The following DISP1 variants were observed in gnomAD, a reference collection of about 807,000 sequenced individuals.
The protein encoded by DISP1 is protein dispatched homolog 1.
DISP1 carries 30 observed loss-of-function variants against 37.3 expected under a neutral mutation model. The observed-to-expected ratio is 0.80, with a 90% CI of 0.60 to 1.09. The LOEUF (loss-of-function observed/expected upper bound fraction) is 1.09. Ranked by LOEUF, DISP1 falls within the 50% of genes least tolerant of loss-of-function variation. The pLI, the probability that DISP1 is intolerant of heterozygous loss-of-function variation, is 0.00. For missense variants in DISP1, 1,598 were observed against 1,879.5 expected (o/e 0.85, Z 2.77); for synonymous variants, 634 against 690.2 (o/e 0.92, Z 1.28).
chr1:222,820,790 C>A (rs982986823), intron 1 of DISP1, among the ~76,000 whole-genome samples: 4 of 152,156 alleles, frequency 2.6e-5, no homozygotes, highest in Non-Finnish European at 4.4e-5. Flanking sequence ...ACATAATGTG[C>A]TTAGCATAAT....
chr1:222,832,787 T>G (rs1212019519), intron 1 of DISP1, among the ~76,000 whole-genome samples: 1 of 152,066 alleles, frequency 6.6e-6, no homozygotes, highest in Non-Finnish European at 1.5e-5. Flanking sequence ...TCCCAGCTAC[T>G]TGGGAGGCTG....
intron 8 of DISP1, among the ~76,000 whole-genome samples, chr1:223,001,758 C>A (rs1331884427): frequency 6.6e-6 from 1 of 152,128 alleles, no homozygotes; most frequent in Non-Finnish European, 1.5e-5. Context: ...GATTTAGTCA[C>A]CTTCCAAAAA....
chr1:222,942,387 C>T (rs1674451096), intron 2 of DISP1, among the ~76,000 whole-genome samples: 1 of 151,978 alleles, frequency 6.6e-6, no homozygotes, highest in African/African-American at 2.4e-5. Flanking sequence ...TCAGAGTGGC[C>T]CTTCATTTTG....
intron 2 of DISP1, among the ~76,000 whole-genome samples, chr1:222,929,917 A>C (rs932843086): frequency 3.3e-5 from 5 of 152,154 alleles, no homozygotes. Flanking sequence ...CATATAGCTC[A>C]CATCTTAGAC....
intron 1 of DISP1, chr1:222,823,948 A>G (rs1402748998): frequency 6.6e-6 from 1 of 151,226 alleles, no homozygotes; most frequent in Non-Finnish European, 1.5e-5. Flanking sequence ...ACAAATAGGT[A>G]TAGCTACTTC....
rs1217182971 is a variant in DISP1 at position 223,005,512 on chromosome 1, C to A, written c.4115C>A (p.Thr1372Asn). ...CAGGCCCAAGAAAAAATTGGCAAGA[C>A]CAATGTACACAGTCTTCAGAGGAGC... is the stretch of plus-strand genomic sequence containing the variant. ...HIQAQEKIGK[T>N]NVHSLQRSIE... Residue 1372 changes from threonine to asparagine, a missense_variant, in exon 9 of 9, where the codon ACC (threonine) becomes AAC (asparagine). Coordinates refer to ENST00000675850, the MANE Select transcript of DISP1 (RefSeq NM_001377229.1). 3 of 1,613,892 alleles carry A rather than the reference C, an allele frequency of 1.9e-6. No homozygotes were observed. Among genetic ancestry groups the A allele is most frequent in the Non-Finnish European group, 2.5e-6 (3 of 1,180,026 alleles).
intron 1 of DISP1, among the ~76,000 whole-genome samples, chr1:222,899,409 GTAAT>G (rs1671456709): frequency 6.6e-6 from 1 of 152,206 alleles, no homozygotes; most frequent in African/African-American, 2.4e-5. Flanking sequence ...ATGGTTAAGA[GTAAT>G]TAAATAAATG....
At chr1:222,864,253 T>C (rs1242997734) in intron 1 of DISP1, among the ~76,000 whole-genome samples, 3 of 152,230 alleles carry the variant, frequency 2.0e-5, no homozygotes, top group African/African-American at 7.2e-5. Flanking sequence ...AAGTATCTTG[T>C]TCAAGCCTTG....
intron 1 of DISP1, chr1:222,831,046 A>G (rs1665613627): frequency 6.6e-6 from 1 of 152,190 alleles, no homozygotes; most frequent in South Asian, 2.1e-4. Context: ...AATGCCTGTA[A>G]TGTTTTAAAT....
intron 7 of DISP1, among the ~76,000 whole-genome samples, chr1:222,992,776 C>A (rs1020149783): frequency 6.6e-6 from 1 of 151,914 alleles, no homozygotes; most frequent in African/African-American, 2.4e-5. Context: ...CGAAAGAAAT[C>A]GGCTGCTACT....
chr1:222,943,986 C>T (rs1025261145), intron 3 of DISP1, among the ~76,000 whole-genome samples: 1 of 152,094 alleles, frequency 6.6e-6, no homozygotes, highest in African/African-American at 2.4e-5. Context: ...GCCGAGATCA[C>T]ACCATTGCAC....
chr1:222,925,116 T>C (rs1275244898), intron 1 of DISP1, among the ~76,000 whole-genome samples: 1 of 152,138 alleles, frequency 6.6e-6, no homozygotes, highest in Non-Finnish European at 1.5e-5. Flanking sequence ...TAATTATGTG[T>C]CCCATGTGAC....
intron 3 of DISP1, among the ~76,000 whole-genome samples, chr1:222,966,130 G>A (rs1676462787): frequency 1.3e-5 from 2 of 152,116 alleles, no homozygotes; most frequent in Non-Finnish European, 2.9e-5. Flanking sequence ...GTAAATCAGT[G>A]TAATTTTTTA....
intron 1 of DISP1, among the ~76,000 whole-genome samples, chr1:222,820,846 A>G (rs1433335351): frequency 6.6e-6 from 1 of 152,216 alleles, no homozygotes; most frequent in Non-Finnish European, 1.5e-5. Context: ...ATTTTACTGT[A>G]TCATGCAGGC....
intron 3 of DISP1, among the ~76,000 whole-genome samples, chr1:222,950,584 A>G (rs1444252847): frequency 6.6e-6 from 1 of 151,260 alleles, no homozygotes; most frequent in Non-Finnish European, 1.5e-5. Context: ...TCGAGGACAG[A>G]GCGAGACTCC....
chr1:223,005,621 C>A lies in DISP1; in HGVS notation c.4224C>A (p.Asp1408Glu), dbSNP rs1679853609. Residue 1408 changes from aspartate (D) to glutamate (E), a missense_variant, in exon 9 of 9, where the codon GAC becomes GAA. Physicochemically the swap from Asp to Glu is conservative, Grantham distance 45 (BLOSUM62 2). Coordinates refer to ENST00000675850, the MANE Select transcript of DISP1 (RefSeq NM_001377229.1). ...STGSLLKTCC[D>E]PENKQRELCK... ...GATCGTTACTCAAAACGTGTTGCGA[C>A]CCCGAGAATAAACAAAGGGAACTCT... 1.9e-6 allele frequency: 3 copies of A among 1,613,578 alleles called. No homozygotes were observed. Among genetic ancestry groups the A allele is most frequent in the Non-Finnish European group, 2.5e-6 (3 of 1,179,890 alleles).
intron 1 of DISP1, among the ~76,000 whole-genome samples, chr1:222,891,658 G>A (rs531984468): frequency 8.5e-4 from 129 of 152,278 alleles, no homozygotes; most frequent in African/African-American, 2.9e-3. Flanking sequence ...CTAGAAGAGA[G>A]TTTTGAGAAG....
chr1:222,991,789 T>A, intron 6 of DISP1, 142 bp downstream of exon 6: 1 of 1,048,714 alleles, frequency 9.5e-7, no homozygotes. Flanking sequence ...AACTTGTCAT[T>A]GTGTTTGAAG....
intron 3 of DISP1, among the ~76,000 whole-genome samples, chr1:222,950,487 C>G (rs1214518857): frequency 2.6e-5 from 4 of 152,018 alleles, no homozygotes; most frequent in Admixed American, 6.6e-5. Flanking sequence ...GTAGTCCCAG[C>G]TACTCGGGAG....
Sources: gnomAD v4.1 joint callset for allele counts (sites outside exome capture counted in the v4.1 genomes callset) on GRCh38, gnomAD v4.1.1 for gene constraint, MANE v1.5 for transcripts, NCBI Gene and HGNC (gene_info 2026-07-23, HGNC 2026-07-21) for gene names.